Variants in BCL7A observed in about 807,000 individuals in gnomAD.
The protein encoded by BCL7A is B-cell CLL/lymphoma 7 protein family member A.
In BCL7A, 11 loss-of-function variants were observed where a neutral mutation model predicts 28.4. That is an observed-to-expected ratio of 0.39 (90% confidence interval 0.24 to 0.64). The LOEUF (loss-of-function observed/expected upper bound fraction) is 0.64. BCL7A is among the 30% of genes least tolerant of loss of function. The pLI, the probability that BCL7A is intolerant of heterozygous loss-of-function variation, is 0.50. For synonymous variants in BCL7A, 123 were observed against 103.3 expected, an observed-to-expected ratio of 1.19 and a Z score of -1.15; for missense variants, 222 against 274.8, an observed-to-expected ratio of 0.81 and a Z score of 1.36.
At chr12:122,044,126 T>C in intron 4 of BCL7A, 73 bp downstream of exon 4, 3 of 1,518,542 alleles carry the variant, frequency 2.0e-6, no homozygotes, top group Non-Finnish European at 2.7e-6. Context: ...TGGCTAGGTG[T>C]TCCAGGAGGC....
chr12:122,044,138 C>G (rs1414262120), intron 4 of BCL7A, 85 bp downstream of exon 4: 3 of 1,457,800 alleles, frequency 2.1e-6, no homozygotes, highest in Admixed American at 4.4e-5. Context: ...CCAGGAGGCC[C>G]TGTCATGTGC....
chr12:122,039,068 G>A (rs987480629), intron 3 of BCL7A, among the ~76,000 whole-genome samples: 6 of 151,912 alleles, frequency 3.9e-5, no homozygotes, highest in Admixed American at 6.6e-5. Flanking sequence ...AGGCCAAGGC[G>A]GGCAGATCAT....
In BCL7A at chr12:122,058,528, G is replaced by A. The variant is rs186652604; in HGVS notation, c.562-564G>A. On this transcript the variant is annotated intron_variant, in intron 5 of 5. Coordinates refer to ENST00000261822, the MANE Select transcript of BCL7A (RefSeq NM_001024808.3). ...ACAAAAATTAGCCGGGCATGGTGGC[G>A]CGTGCCTGTAATCACAGCTACTTGG... Among the ~76,000 whole-genome samples, 864 of 152,118 alleles carry A rather than the reference G, an allele frequency of 5.7e-3. 5 individuals carry two copies. Among genetic ancestry groups the A allele is most frequent in the Non-Finnish European group, 8.5e-3 (581 of 67,980 alleles).
chr12:122,052,879 G>T (rs539656245), intron 4 of BCL7A, among the ~76,000 whole-genome samples: 15 of 133,590 alleles, frequency 1.1e-4, no homozygotes, highest in South Asian at 2.9e-4. Context: ...GGGGGGGGGG[G>T]GGGGTTTGCC....
rs947709733 is a variant in BCL7A, at chr12:122,024,975, C to T, written c.92+2792C>T. 3.3e-5 allele frequency among the ~76,000 whole-genome samples: 5 copies of T among 151,664 alleles called. No individual in the cohort carries two copies. In the South Asian group the frequency reaches 6.3e-4, roughly 19 times the overall value. ...TGTCCCCTGATGCTTCCCCCACCCCCGGAAAAAGCTGTGGCCTCCCTCTCA... is the reference window on the plus strand; with the variant it reads ...TGTCCCCTGATGCTTCCCCCACCCCTGGAAAAAGCTGTGGCCTCCCTCTCA... On this transcript the variant is annotated intron_variant, in intron 1 of 5. Transcript: ENST00000261822.
At chr12:122,025,675 G>A (rs1304418071) in intron 1 of BCL7A, among the ~76,000 whole-genome samples, 1 of 151,274 alleles carries the variant, frequency 6.6e-6, no homozygotes, top group Non-Finnish European at 1.5e-5. Context: ...TCTGGACGCA[G>A]TGGCTCATGC....
intron 3 of BCL7A, among the ~76,000 whole-genome samples, 186 bp from the exon 4 acceptor site, chr12:122,043,700 G>T (rs1366148354): frequency 6.7e-6 from 1 of 149,940 alleles, no homozygotes; most frequent in Non-Finnish European, 1.5e-5. Context: ...TTGCACCACG[G>T]TCCTCCAGCC....
intron 3 of BCL7A, among the ~76,000 whole-genome samples, chr12:122,042,899 A>G (rs1883988939): frequency 6.6e-6 from 1 of 152,194 alleles, no homozygotes; most frequent in Non-Finnish European, 1.5e-5. Flanking sequence ...CAATTGTTCC[A>G]AAGTGTTACA....
intron 4 of BCL7A, among the ~76,000 whole-genome samples, chr12:122,049,390 A>G (rs1884146019): frequency 6.6e-6 from 1 of 151,980 alleles, no homozygotes; most frequent in South Asian, 2.1e-4. Flanking sequence ...GTCTTCAAAT[A>G]TGCTGGAGAG....
intron 1 of BCL7A, among the ~76,000 whole-genome samples, chr12:122,025,481 G>A (rs1593021317): frequency 6.6e-6 from 1 of 151,978 alleles, no homozygotes; most frequent in Non-Finnish European, 1.5e-5. Context: ...AAAAAAATTA[G>A]CCAGGCGTGG....
chr12:122,041,722 C>T (rs1883969027), intron 3 of BCL7A, among the ~76,000 whole-genome samples: 1 of 152,126 alleles, frequency 6.6e-6, no homozygotes, highest in Admixed American at 6.5e-5. Flanking sequence ...TATGATTGTG[C>T]TGCTGTACTC....
chr12:122,022,266 C>A (rs1883480729), intron 1 of BCL7A, 83 bp downstream of exon 1: 7 of 816,812 alleles, frequency 8.6e-6, no homozygotes, highest in Non-Finnish European at 1.0e-5. Flanking sequence ...GGGCGCAGCG[C>A]CCCGGCCGCC....
chr12:122,054,218 G>A (rs982017546), intron 4 of BCL7A, among the ~76,000 whole-genome samples: 8 of 152,030 alleles, frequency 5.3e-5, no homozygotes, highest in Non-Finnish European at 1.2e-4. Context: ...CCGAGTAGGT[G>A]GGACTACAGG....
In BCL7A at chr12:122,021,927, T is replaced by TGG; in HGVS notation, c.-164_-163insGG. 1 of 370,822 alleles carries TGG rather than the reference T, an allele frequency of 2.7e-6. No homozygotes were observed. Among genetic ancestry groups the TGG allele is most frequent in the Non-Finnish European group, 4.7e-6 (1 of 213,066 alleles). 23.0% of individuals were successfully genotyped at this position (370,822 alleles called of 1,614,324 possible). ...GGCGGCCCCGGGCTTTGTGTGTGTGTGTATGTGTGTGTGTGTGTGTGTGTG... is the reference window on the plus strand; with the variant it reads ...GGCGGCCCCGGGCTTTGTGTGTGTGTGGGTATGTGTGTGTGTGTGTGTGTGTG... On this transcript the variant is annotated 5_prime_UTR_variant, in exon 1 of 6. Coordinates refer to ENST00000261822, the MANE Select transcript of BCL7A (RefSeq NM_001024808.3).
rs537130064 is a variant in BCL7A, at chr12:122,061,040, C to T, written c.*1877C>T. 4 of 227,114 alleles carry T rather than the reference C, an allele frequency of 1.8e-5. No individual in the cohort carries two copies. The highest frequency in any genetic ancestry group is 1.8e-4 in the South Asian group (1 of 5,468). The allele number at this position is 227,114 out of a possible 1,614,324, so 14.1% of individuals were successfully genotyped here. A position where few individuals can be genotyped will look rare whatever the true frequency, so the allele number is the denominator to read the frequency against. On this transcript the variant is annotated 3_prime_UTR_variant, in exon 6 of 6. Coordinates refer to ENST00000261822, the MANE Select transcript of BCL7A (RefSeq NM_001024808.3). Reference sequence around the variant, plus strand: ...TTGAGAACTGTGTCCTGCATCCTGGCGCAGAACCTACCTGATGCGGTTCCT... The same window carrying T: ...TTGAGAACTGTGTCCTGCATCCTGGTGCAGAACCTACCTGATGCGGTTCCT...
intron 4 of BCL7A, 114 bp downstream of exon 4, chr12:122,044,167 A>G: frequency 7.9e-7 from 1 of 1,267,844 alleles, no homozygotes; most frequent in Non-Finnish European, 1.1e-6. Context: ...GCAAGGAGAC[A>G]GTAAAGAGAG....
chr12:122,047,827 AG>A (rs2135855252), intron 4 of BCL7A, among the ~76,000 whole-genome samples: 1 of 151,262 alleles, frequency 6.6e-6, no homozygotes, highest in Non-Finnish European at 1.5e-5. Context: ...CACCCAGCCA[AG>A]ATGTTTCTTG....
chr12:122,050,270 A>G (rs1253957129), intron 4 of BCL7A, among the ~76,000 whole-genome samples: 2 of 147,868 alleles, frequency 1.4e-5, no homozygotes, highest in African/African-American at 5.1e-5. Flanking sequence ...GTGAGCCACC[A>G]CAACCAGTCT....
At chr12:122,025,476 A>C (rs544899883) in intron 1 of BCL7A, among the ~76,000 whole-genome samples, 1 of 151,578 alleles carries the variant, frequency 6.6e-6, no homozygotes, top group African/African-American at 2.4e-5. Context: ...AATACAAAAA[A>C]ATTAGCCAGG....
Sources: gnomAD v4.1 joint callset for allele counts (sites outside exome capture counted in the v4.1 genomes callset) on GRCh38, gnomAD v4.1.1 for gene constraint, MANE v1.5 for transcripts, NCBI Gene and HGNC (gene_info 2026-07-23, HGNC 2026-07-21) for gene names.